The following MAP3K13 variants were observed in gnomAD, a reference collection of about 807,000 sequenced individuals.
MAP3K13 encodes the protein leucine zipper-bearing kinase.
MAP3K13 carries 52 observed loss-of-function variants against 104.0 expected under a neutral mutation model. The ratio of observed to expected loss-of-function variants is 0.50; its 90% CI spans 0.40 to 0.63. The LOEUF (loss-of-function observed/expected upper bound fraction) is 0.63. Among genes scored for constraint, MAP3K13 ranks in the 20% least tolerant of loss-of-function variants. The pLI, the probability that MAP3K13 is intolerant of heterozygous loss-of-function variation, is 0.00. For missense variants in MAP3K13, 914 were observed against 1,218.5 expected, an observed-to-expected ratio of 0.75 and a Z score of 3.72; for synonymous variants, 394 against 442.2, an observed-to-expected ratio of 0.89 and a Z score of 1.37.
At chr3:185,426,577 G>A (rs568885539) in intron 1 of MAP3K13, among the ~76,000 whole-genome samples, 1 of 152,214 alleles carries the variant, frequency 6.6e-6, no homozygotes, top group South Asian at 2.1e-4. Context: ...AACTCAGCCT[G>A]GCATGCAAAG....
chr3:185,458,383 AAAG>A (rs1205773566), intron 7 of MAP3K13, among the ~76,000 whole-genome samples: 3 of 151,822 alleles, frequency 2.0e-5, no homozygotes, highest in African/African-American at 7.3e-5. Context: ...AAAAAAAAAA[AAAG>A]ATGTCATTAT....
intron 4 of MAP3K13, among the ~76,000 whole-genome samples, chr3:185,443,895 T>C (rs549984398): frequency 6.6e-6 from 1 of 152,358 alleles, no homozygotes; most frequent in Non-Finnish European, 1.5e-5. Context: ...AAATTCATTA[T>C]TATCTGAAGT....
intron 1 of MAP3K13, among the ~76,000 whole-genome samples, chr3:185,422,677 A>G (rs1232338849): frequency 6.6e-6 from 1 of 152,234 alleles, no homozygotes; most frequent in African/African-American, 2.4e-5. Flanking sequence ...AAAAAAATAA[A>G]TCACACAAGT....
At position 185,463,593 on chromosome 3, in the gene MAP3K13, A is replaced by G. The variant is rs1560126220; in HGVS notation, c.1322A>G (p.Lys441Arg). The G allele has an allele frequency of 6.2e-7, 1 of 1,613,034 alleles. No homozygotes were observed. The highest frequency in any genetic ancestry group is 8.5e-7 in the Non-Finnish European group (1 of 1,179,174). Residue 441 changes from lysine (K) to arginine (R), a missense_variant, in exon 8 of 14, where the codon AAA (lysine) becomes AGA (arginine). Transcript: ENST00000265026. ...EEVKKHFEKI[K>R]SEGTCIHRLD... ...GTGAAAAAACATTTTGAGAAGATCA[A>G]AAGTGAAGGAACTTGTATACACCGG...
intron 11 of MAP3K13, chr3:185,476,620 C>T (rs1718146241): frequency 6.6e-6 from 1 of 152,444 alleles, no homozygotes; most frequent in Non-Finnish European, 1.5e-5. Flanking sequence ...GGACACTTAC[C>T]CCGCCTTCCA....
At chr3:185,356,957 A>G (rs1560062969) in intron 2 of MAP3K13, among the ~76,000 whole-genome samples, 1 of 152,226 alleles carries the variant, frequency 6.6e-6, no homozygotes, top group Non-Finnish European at 1.5e-5. Context: ...TTTAAAAGGC[A>G]GATATCCACT....
chr3:185,307,541 A>AC (rs549544428), intron 2 of MAP3K13, among the ~76,000 whole-genome samples: 1,162 of 70,910 alleles, frequency 0.016, 128 homozygotes, highest in African/African-American at 0.053. Context: ...TTGGTGCACC[A>AC]CCCCCTCCCC....
chr3:185,407,544 C>T (rs55854300), intron 1 of MAP3K13, among the ~76,000 whole-genome samples: 9,347 of 152,210 alleles, frequency 0.061, 473 homozygotes, highest in East Asian at 0.2. Context: ...GTGTCTTTGA[C>T]AAAGTATCAG....
At chr3:185,382,179 G>T (rs140793360) in intron 1 of MAP3K13, among the ~76,000 whole-genome samples, 45 of 152,124 alleles carry the variant, frequency 3.0e-4, no homozygotes, top group African/African-American at 1.1e-3. Flanking sequence ...CTATGATAAA[G>T]TTTAATTTAT....
At chr3:185,472,846 T>C (rs1022826439) in intron 10 of MAP3K13, 129 bp from the exon 11 acceptor site, 21 of 855,612 alleles carry the variant, frequency 2.5e-5, no homozygotes, top group Admixed American at 5.1e-5. Context: ...CCTCATACGT[T>C]ATCTCTATTG....
chr3:185,377,401 G>A (rs1226257915), intron 1 of MAP3K13, among the ~76,000 whole-genome samples: 1 of 152,048 alleles, frequency 6.6e-6, no homozygotes, highest in Non-Finnish European at 1.5e-5. Flanking sequence ...AAGGTGGGGA[G>A]ATACAAGGAG....
chr3:185,354,336 C>T (rs1577455911), intron 2 of MAP3K13, among the ~76,000 whole-genome samples: 3 of 150,172 alleles, frequency 2.0e-5, no homozygotes, highest in Admixed American at 1.3e-4. Flanking sequence ...GGCTTCAAAC[C>T]GGGGCAACGG....
At chr3:185,420,862 C>G (rs1714078899) in intron 1 of MAP3K13, among the ~76,000 whole-genome samples, 1 of 152,190 alleles carries the variant, frequency 6.6e-6, no homozygotes, top group African/African-American at 2.4e-5. Flanking sequence ...TCCTCTTTCT[C>G]TCTACATTGC....
intron 1 of MAP3K13, among the ~76,000 whole-genome samples, chr3:185,385,331 G>T (rs1057356955): frequency 6.6e-6 from 1 of 151,600 alleles, no homozygotes; most frequent in Non-Finnish European, 1.5e-5. Context: ...TTGTATTTTT[G>T]TTGTTGTTGT....
intron 9 of MAP3K13, among the ~76,000 whole-genome samples, 199 bp from the exon 10 acceptor site, chr3:185,466,627 T>C (rs1266325484): frequency 6.6e-6 from 1 of 152,208 alleles, no homozygotes. Flanking sequence ...TCCACCCACC[T>C]TGGCCTCCCA....
At chr3:185,328,194 T>A (rs1722109808) in intron 2 of MAP3K13, among the ~76,000 whole-genome samples, 1 of 152,180 alleles carries the variant, frequency 6.6e-6, no homozygotes, top group Admixed American at 6.5e-5. Flanking sequence ...ACCAAGAACT[T>A]TCTTTCACTA....
chr3:185,400,905 G>GTTTTTTTTTTTTTTTTTTTTTTTT (rs71164506), intron 1 of MAP3K13, among the ~76,000 whole-genome samples: 4 of 107,290 alleles, frequency 3.7e-5, no homozygotes, highest in African/African-American at 7.3e-5. Flanking sequence ...GTGTTTGTTT[G>GTTTTTTTTTTTTTTTTTTTTTTTT]TTTTTTTTTT....
chr3:185,360,936 C>T (rs946976865), upstream of MAP3K13, among the ~76,000 whole-genome samples: 1 of 149,572 alleles, frequency 6.7e-6, no homozygotes, highest in Non-Finnish European at 1.5e-5. Flanking sequence ...AAGCGATTCT[C>T]ATGCCTCAGC....
At chr3:185,443,355 A>T (rs1715427484) in intron 3 of MAP3K13, 90 bp from the exon 4 acceptor site, 1 of 839,336 alleles carries the variant, frequency 1.2e-6, no homozygotes, top group African/African-American at 1.7e-5. Context: ...TAATTCGGGT[A>T]TAGAATTGGT....
Sources: gnomAD v4.1 joint callset for allele counts (sites outside exome capture counted in the v4.1 genomes callset) on GRCh38, gnomAD v4.1.1 for gene constraint, MANE v1.5 for transcripts, NCBI Gene and HGNC (gene_info 2026-07-23, HGNC 2026-07-21) for gene names.